The following TXLNG variants were observed in gnomAD, a reference collection of about 807,000 sequenced individuals.
TXLNG encodes the protein gamma-taxilin.
TXLNG carries 5 observed loss-of-function variants against 38.8 expected under a neutral mutation model. The ratio of observed to expected loss-of-function variants is 0.13; its 90% CI spans 0.07 to 0.27. The LOEUF is 0.27. TXLNG is among the 10% of genes least tolerant of loss of function. The pLI is 1.00. For missense variants in TXLNG, 393 were observed against 398.2 expected (o/e 0.99, Z 0.11); for synonymous variants, 182 against 158.2 (o/e 1.15, Z -1.13).
At chrX:16,824,799 G>A (rs896179531) in intron 3 of TXLNG, among the ~76,000 whole-genome samples, 2 of 109,188 alleles carry the variant, frequency 1.8e-5, no homozygotes, top group African/African-American at 3.3e-5. Flanking sequence ...GTGTTTGCGC[G>A]CCTGTAGTTC....
intron 1 of TXLNG, among the ~76,000 whole-genome samples, chrX:16,790,335 C>T (rs946680253): frequency 9.0e-6 from 1 of 110,846 alleles, no homozygotes; most frequent in African/African-American, 3.3e-5. Context: ...TCCCTCTCTC[C>T]CTTCCCCTAG....
chrX:16,829,879 A>G (rs1929321807), intron 5 of TXLNG, 109 bp downstream of exon 5: 4 of 714,861 alleles, frequency 5.6e-6, no homozygotes. Flanking sequence ...TTGCATATGC[A>G]TAGTGGCAGT....
chrX:16,835,374 T>TA (rs1387688245), intron 7 of TXLNG, among the ~76,000 whole-genome samples: 1 of 111,400 alleles, frequency 9.0e-6, no homozygotes, highest in East Asian at 2.8e-4. Context: ...TAGCCTAACT[T>TA]AGAGTGAATA....
Position 16,828,257 on chromosome X carries a change from C to T in TXLNG, c.662C>T (p.Thr221Met), listed in dbSNP as rs756426412. ...AGAGAACTTCAGCGTCACAATAAGA[C>T]GTTAAAGGTTAGTTGCTTCATTTGT... ...LCRELQRHNK[T>M]LKEENMQQAR... Residue 221 changes from threonine to methionine, a missense_variant, in exon 4 of 10, where the codon ACG (threonine) becomes ATG (methionine). Transcript: ENST00000380122. 1.7e-6 allele frequency: 2 copies of T among 1,193,831 alleles called. No individual in the cohort carries two copies. The highest frequency in any genetic ancestry group is 2.3e-5 in the Admixed American group (1 of 44,341).
At chrX:16,815,788 GT>G (rs1928717670) in intron 1 of TXLNG, among the ~76,000 whole-genome samples, 1 of 110,614 alleles carries the variant, frequency 9.0e-6, no homozygotes, top group African/African-American at 3.3e-5. Flanking sequence ...GTCTCCCAAA[GT>G]GCTGGGATTA....
At position 16,803,309 on chromosome X, in the gene TXLNG, G is replaced by T; in HGVS notation, c.103-15265G>T. ...CAATGTTGATGGCTGTCACTCTCAT[G>T]ACATCATAAATGACATCAACAGTGA... On this transcript the variant is annotated intron_variant, in intron 1 of 9. Transcript: ENST00000380122. 3 of 112,582 alleles carry T rather than the reference G, an allele frequency of 2.7e-5. No individual in the cohort carries two copies. The South Asian group carries it at 9.5e-4, about 36-fold the overall frequency. The allele number at this position is 112,582 out of a possible 1,213,427, so 9.3% of individuals were successfully genotyped here.
chrX:16,813,280 A>G (rs1229062098), intron 1 of TXLNG, among the ~76,000 whole-genome samples: 1 of 111,407 alleles, frequency 9.0e-6, no homozygotes, highest in Non-Finnish European at 1.9e-5. Flanking sequence ...TAAAAAAATA[A>G]TAATAACAAG....
intron 1 of TXLNG, among the ~76,000 whole-genome samples, chrX:16,794,225 A>G (rs891509163): frequency 1.8e-5 from 2 of 112,134 alleles, no homozygotes; most frequent in Admixed American, 9.6e-5. Context: ...TAAAGGTCAC[A>G]TAAGTGCCCC....
chrX:16,821,013 C>T (rs1928925410), intron 3 of TXLNG, among the ~76,000 whole-genome samples: 1 of 110,509 alleles, frequency 9.0e-6, no homozygotes, highest in African/African-American at 3.3e-5. Context: ...TCGTGATCTG[C>T]CCGCCTCGGC....
chrX:16,803,960 A>G lies in TXLNG; in HGVS notation c.103-14614A>G, dbSNP rs1047655717. ...GAGTGAGACTCTGTCTCAAAAAAAA[A>G]GAAGCACAAAGGAAAATATTCCAAT... On this transcript the variant is annotated intron_variant, in intron 1 of 9. Transcript: ENST00000380122. Among the ~76,000 whole-genome samples the G allele has an allele frequency of 1.4e-4, 15 of 111,039 alleles. No homozygotes were observed. In the East Asian group the frequency reaches 2.3e-3, roughly 17 times the overall value.
intron 5 of TXLNG, among the ~76,000 whole-genome samples, chrX:16,832,073 G>A (rs1158191830): frequency 8.9e-6 from 1 of 112,330 alleles, no homozygotes; most frequent in Non-Finnish European, 1.9e-5. Context: ...AGCTCTGCAA[G>A]GTAGGTGGAG....
chrX:16,793,846 T>A (rs1320881437), intron 1 of TXLNG, among the ~76,000 whole-genome samples: 1 of 109,630 alleles, frequency 9.1e-6, no homozygotes, highest in Non-Finnish European at 1.9e-5. Flanking sequence ...AGGGTCTTCC[T>A]ATGTTGCGCA....
Position 16,828,209 on chromosome X carries a change from G to A in TXLNG, c.614G>A (p.Arg205Lys). 8.3e-7 allele frequency: 1 copy of A among 1,210,797 alleles called. No homozygotes were observed. The change falls in exon 4 of 10, where the codon AGA (arginine) becomes AAA (lysine). Residue 205 changes from arginine to lysine, a missense_variant. Physicochemically the swap from Arg to Lys is conservative, Grantham distance 26. Coordinates refer to ENST00000380122, the MANE Select transcript of TXLNG (RefSeq NM_018360.3). ...GAACATAGCAAGGCTATCTTGGCAA[G>A]AAGCAAGCTAGAATCTCTTTGCAGA... ...QSEHSKAILA[R>K]SKLESLCREL...
chrX:16,788,722 C>T (rs1015537428), intron 1 of TXLNG, among the ~76,000 whole-genome samples: 6 of 100,682 alleles, frequency 6.0e-5, no homozygotes, highest in Admixed American at 1.1e-4. Flanking sequence ...GGCTGCAGTG[C>T]AGTGATGCAA....
At chrX:16,817,637 G>A (rs770843784) in intron 1 of TXLNG, among the ~76,000 whole-genome samples, 6 of 112,015 alleles carry the variant, frequency 5.4e-5, no homozygotes, top group African/African-American at 1.6e-4. Context: ...ATTTAAATTT[G>A]TGCCACATCA....
chrX:16,790,377 A>T (rs1044023604), intron 1 of TXLNG, among the ~76,000 whole-genome samples: 4 of 108,680 alleles, frequency 3.7e-5, no homozygotes, highest in Admixed American at 1.0e-4. Flanking sequence ...TATTTTTTTT[A>T]AATTTTAGAG....
At chrX:16,829,475 C>G (rs964057654) in intron 4 of TXLNG, 101 bp from the exon 5 acceptor site, 3 of 800,970 alleles carry the variant, frequency 3.7e-6, no homozygotes, top group Non-Finnish European at 5.3e-6. Flanking sequence ...AGAAGCAACA[C>G]GTCAGGGCAG....
chrX:16,828,399 G>A, intron 4 of TXLNG, 135 bp downstream of exon 4: 1 of 624,354 alleles, frequency 1.6e-6, no homozygotes, highest in Non-Finnish European at 2.3e-6. Flanking sequence ...TGCTTGGCCT[G>A]ATGCCTTGTG....
In TXLNG at chrX:16,841,550, G is replaced by A. The variant is rs1929824577; in HGVS notation, c.1371G>A (p.Glu457=). Residue 457 remains glutamate, a synonymous_variant, in exon 10 of 10, where the codon GAG becomes GAA. Transcript: ENST00000380122. ...ATGAGAAGGTGGAAGTCCTGAAAGA[G>A]CAGGTATCCATCAAAGCGGCCATCA... The part of the protein sequence containing the change: ...ELNEKVEVLK[E]QVSIKAAIKA... 4 of 1,211,958 alleles carry A rather than the reference G, an allele frequency of 3.3e-6. No individual in the cohort carries two copies. Among genetic ancestry groups the A allele is most frequent in the Non-Finnish European group, 4.5e-6 (4 of 895,596 alleles).
Sources: gnomAD v4.1 joint callset for allele counts (sites outside exome capture counted in the v4.1 genomes callset) on GRCh38, gnomAD v4.1.1 for gene constraint, MANE v1.5 for transcripts, NCBI Gene and HGNC (gene_info 2026-07-23, HGNC 2026-07-21) for gene names.